SLC14A2: variants seen among roughly 807,000 people sequenced by gnomAD.
SLC14A2 encodes urea transporter 2.
Under a neutral mutation model 104.6 loss-of-function variants are expected in SLC14A2, and 91 were observed. That is an observed-to-expected ratio of 0.87 (90% CI 0.73 to 1.04). SLC14A2 has a LOEUF of 1.04. Among genes scored for constraint, SLC14A2 ranks in the 50% least tolerant of loss-of-function variants. The probability of loss-of-function intolerance (pLI) is 0.00; values close to 1 mark genes in which losing one functional copy is unlikely to be tolerated. For missense variants in SLC14A2, 1,189 were observed against 1,156.0 expected (o/e 1.03, Z -0.41); for synonymous variants, 476 against 466.4 (o/e 1.02, Z -0.27).
intron 1 of SLC14A2, among the ~76,000 whole-genome samples, chr18:45,407,114 T>C (rs932305791): frequency 3.3e-5 from 5 of 152,354 alleles, no homozygotes; most frequent in Admixed American, 3.3e-4. Flanking sequence ...AAGTCCTAGA[T>C]GGCATCTTCT....
At chr18:45,592,241 G>A (rs1215517196) in intron 2 of SLC14A2, among the ~76,000 whole-genome samples, 1 of 152,062 alleles carries the variant, frequency 6.6e-6, no homozygotes, top group Non-Finnish European at 1.5e-5. Flanking sequence ...AATGTAAAAT[G>A]AGAAAATTAC....
intron 15 of SLC14A2, among the ~76,000 whole-genome samples, chr18:45,668,700 A>G (rs2046076963): frequency 6.6e-6 from 1 of 152,198 alleles, no homozygotes. Context: ...TTCTTTTAAG[A>G]TCTAAATGGT....
At chr18:45,328,434 T>G (rs1380669038) in intron 1 of SLC14A2, among the ~76,000 whole-genome samples, 1 of 152,194 alleles carries the variant, frequency 6.6e-6, no homozygotes, top group Non-Finnish European at 1.5e-5. Context: ...CACAGCATTT[T>G]CAGGGTTTCA....
chr18:45,356,270 G>A lies in SLC14A2; in HGVS notation c.-124-126963G>A, dbSNP rs577773487. On this transcript the variant is annotated intron_variant, in intron 1 of 20. Transcript: ENST00000586448. ...AGGACTGACACTGCTGGGTCTTAAAGCTTTCTGTGGGACAAAATGAGATCA... is the reference window on the plus strand; with the variant it reads ...AGGACTGACACTGCTGGGTCTTAAAACTTTCTGTGGGACAAAATGAGATCA... Among the ~76,000 whole-genome samples the A allele has an allele frequency of 2.0e-5, 3 of 152,282 alleles. No homozygotes were observed. In the East Asian group the frequency reaches 5.8e-4, roughly 29 times the overall value.
At chr18:45,281,413 T>C (rs111335313) in intron 1 of SLC14A2, among the ~76,000 whole-genome samples, 11 of 152,330 alleles carry the variant, frequency 7.2e-5, no homozygotes, top group African/African-American at 2.2e-4. Flanking sequence ...GGATTATCAT[T>C]GGTCTGCATG....
chr18:45,457,019 C>G (rs2086955307), intron 1 of SLC14A2, among the ~76,000 whole-genome samples: 1 of 152,040 alleles, frequency 6.6e-6, no homozygotes, highest in Admixed American at 6.5e-5. Context: ...CTGGAGACCT[C>G]AGGGCTGCCA....
chr18:45,509,206 C>T (rs575325817), intron 2 of SLC14A2, among the ~76,000 whole-genome samples: 2 of 152,274 alleles, frequency 1.3e-5, no homozygotes, highest in African/African-American at 4.8e-5. Context: ...CCATCACATC[C>T]CTCTTTGTAG....
At chr18:45,239,833 T>C (rs565362681) in intron 1 of SLC14A2, among the ~76,000 whole-genome samples, 1 of 152,340 alleles carries the variant, frequency 6.6e-6, no homozygotes, top group African/African-American at 2.4e-5. Context: ...TGCCAGGTAC[T>C]AACCAAAGAT....
Position 45,517,950 on chromosome 18 carries a change from G to T in SLC14A2, c.-35+34628G>T, listed in dbSNP as rs180771366. On this transcript the variant is annotated intron_variant, in intron 2 of 20. Coordinates refer to the SLC14A2 transcript ENST00000586448. ...GGTGCTTATTGTAACTGCTGTAGAA[G>T]ATTGTTGAACTGGAATTTACAAATC... is the stretch of plus-strand genomic sequence containing the variant. Among the ~76,000 whole-genome samples, 748 of 152,284 alleles carry T rather than the reference G, an allele frequency of 4.9e-3. 4 individuals carry two copies. The highest frequency in any genetic ancestry group is 7.3e-3 in the Non-Finnish European group (494 of 68,024).
intron 1 of SLC14A2, among the ~76,000 whole-genome samples, chr18:45,248,477 G>A (rs1267362461): frequency 3.3e-5 from 5 of 151,984 alleles, no homozygotes; most frequent in Non-Finnish European, 5.9e-5. Context: ...TGTTCCCCCC[G>A]AGATCTCAGC....
intron 1 of SLC14A2, among the ~76,000 whole-genome samples, chr18:45,390,667 G>T (rs139489275): frequency 6.6e-6 from 1 of 152,220 alleles, no homozygotes; most frequent in African/African-American, 2.4e-5. Flanking sequence ...TACGGAAGGG[G>T]TACAATTTCA....
intron 1 of SLC14A2, among the ~76,000 whole-genome samples, chr18:45,219,305 A>G (rs934101977): frequency 3.9e-5 from 6 of 152,242 alleles, no homozygotes; most frequent in Admixed American, 3.9e-4. Flanking sequence ...TGTGAAAGGC[A>G]TATAGCAATG....
intron 2 of SLC14A2, among the ~76,000 whole-genome samples, chr18:45,485,756 A>C (rs1247588716): frequency 6.6e-6 from 1 of 151,778 alleles, no homozygotes; most frequent in Non-Finnish European, 1.5e-5. Flanking sequence ...TTTGTTACTG[A>C]GTGCAAAAAG....
chr18:45,586,205 G>A (rs2044564942), intron 2 of SLC14A2, among the ~76,000 whole-genome samples: 1 of 152,186 alleles, frequency 6.6e-6, no homozygotes, highest in Non-Finnish European at 1.5e-5. Context: ...GTCACTCTAG[G>A]TGAGGTGGTC....
intron 1 of SLC14A2, among the ~76,000 whole-genome samples, chr18:45,333,738 G>A (rs1239899552): frequency 6.6e-6 from 1 of 152,136 alleles, no homozygotes; most frequent in Non-Finnish European, 1.5e-5. Flanking sequence ...AAATTAGAAG[G>A]CAAGGTTAAG....
chr18:45,448,113 C>T (rs1273082236), intron 1 of SLC14A2, among the ~76,000 whole-genome samples: 1 of 152,190 alleles, frequency 6.6e-6, no homozygotes, highest in Non-Finnish European at 1.5e-5. Context: ...GACTGGCACA[C>T]CCACCTGCTT....
the SLC14A2 span, among the ~76,000 whole-genome samples, chr18:45,188,324 C>CACCT: frequency 6.6e-6 from 1 of 152,142 alleles, no homozygotes; most frequent in Non-Finnish European, 1.5e-5. Flanking sequence ...AATCTTTGGA[C>CACCT]ACCTCCTCAG....
rs896401746 is a variant in SLC14A2, at chr18:45,507,921, A to T, written c.-35+24599A>T. ...GGTAAGAAGAACCAACTAGAAAAAC[A>T]TGGCAATCTGGGGCCATCTGGCAAT... On this transcript the variant is annotated intron_variant, in intron 2 of 20. Transcript: ENST00000586448. Among the ~76,000 whole-genome samples the T allele has an allele frequency of 2.0e-5, 3 of 152,254 alleles. No homozygotes were observed. The East Asian group carries it at 5.8e-4, about 29-fold the overall frequency.
chr18:45,323,925 GA>G (rs1263948878), intron 1 of SLC14A2, among the ~76,000 whole-genome samples: 8 of 152,148 alleles, frequency 5.3e-5, no homozygotes, highest in Non-Finnish European at 1.2e-4. Context: ...GATGACTGTT[GA>G]ACTACTCTTA....
Sources: gnomAD v4.1 joint callset for allele counts (sites outside exome capture counted in the v4.1 genomes callset) on GRCh38, gnomAD v4.1.1 for gene constraint, MANE v1.5 for transcripts, NCBI Gene and HGNC (gene_info 2026-07-23, HGNC 2026-07-21) for gene names.